The following PRRC2C variants were observed in gnomAD, a reference collection of about 807,000 sequenced individuals.
PRRC2C encodes protein PRRC2C.
PRRC2C carries 72 observed loss-of-function variants against 317.2 expected under a neutral mutation model. The ratio of observed to expected loss-of-function variants is 0.23; its 90% CI spans 0.19 to 0.28. The LOEUF (loss-of-function observed/expected upper bound fraction) is 0.28, where lower values mean the gene tolerates loss of function less well. Among genes scored for constraint, PRRC2C ranks in the 10% least tolerant of loss-of-function variants. PRRC2C has a pLI of 1.00. For missense variants in PRRC2C, 3,074 were observed against 3,459.7 expected (o/e 0.89, Z 2.80); for synonymous variants, 1,296 against 1,205.9 (o/e 1.07, Z -1.55).
In PRRC2C at chr1:171,485,616, C is replaced by G. The variant is rs1041534150; in HGVS notation, c.-177C>G. The G allele has an allele frequency of 6.5e-6, 1 of 152,700 alleles. No homozygotes were observed. Among genetic ancestry groups the G allele is most frequent in the African/African-American group, 2.4e-5 (1 of 41,478 alleles). The allele number at this position is 152,700 out of a possible 1,614,324, so 9.5% of individuals were successfully genotyped here. ...GCGGTTTGTCCATCCGCAGCTTCGGCTTTTCCAGTCTGGTGGCCCTTCCGG... is the reference window on the plus strand; with the variant it reads ...GCGGTTTGTCCATCCGCAGCTTCGGGTTTTCCAGTCTGGTGGCCCTTCCGG... On this transcript the variant is annotated 5_prime_UTR_variant, in exon 1 of 35. Coordinates refer to ENST00000647382, the MANE Select transcript of PRRC2C (RefSeq NM_001387844.1).
At chr1:171,546,057 A>C (rs923585297) in intron 17 of PRRC2C, among the ~76,000 whole-genome samples, 5 of 152,228 alleles carry the variant, frequency 3.3e-5, no homozygotes, top group South Asian at 2.1e-4. Flanking sequence ...TAAAAACAAA[A>C]GGAACTAAAT....
intron 16 of PRRC2C, among the ~76,000 whole-genome samples, chr1:171,544,250 A>G (rs1678592902): frequency 6.6e-6 from 1 of 152,116 alleles, no homozygotes; most frequent in African/African-American, 2.4e-5. Context: ...CAGCCTCTCT[A>G]GTAGCTGGGA....
At chr1:171,565,840 CAAAGCAGACTTCTGA>C (rs1171530143) in intron 20 of PRRC2C, among the ~76,000 whole-genome samples, 1 of 152,180 alleles carries the variant, frequency 6.6e-6, no homozygotes, top group Non-Finnish European at 1.5e-5. Flanking sequence ...ATTTCATTTT[CAAAGCAGACTTCTGA>C]GAAGCAGGTG....
intron 1 of PRRC2C, among the ~76,000 whole-genome samples, chr1:171,495,657 A>G (rs1020776587): frequency 6.6e-6 from 1 of 152,206 alleles, no homozygotes; most frequent in African/African-American, 2.4e-5. Context: ...AAGTGACTAA[A>G]TTTTTTTAAG....
chr1:171,571,332 A>G lies in PRRC2C; in HGVS notation c.6664A>G (p.Asn2222Asp), dbSNP rs747144159. Reference protein sequence around the residue: ...DTLVNNVPLPNTLPLPKRETI... With the variant: ...DTLVNNVPLPDTLPLPKRETI... ...CCTACCTTTTCAGGTGCCCCTGCCC[A>G]ACACCCTTCCCCTCCCTAAGAGGGA... The change falls in exon 24 of 35, where the codon AAC becomes GAC. Residue 2222 changes from asparagine (N) to aspartate (D), a missense_variant. By Grantham distance (23) the Asn-to-Asp change is conservative. Around this residue, in one of 11 missense-constraint regions of PRRC2C, gnomAD observed 640 missense variants for 676.1 expected, o/e 0.95. Coordinates refer to ENST00000647382, the MANE Select transcript of PRRC2C (RefSeq NM_001387844.1). 3.1e-6 allele frequency: 5 copies of G among 1,608,720 alleles called. No individual in the cohort carries two copies. Among genetic ancestry groups the G allele is most frequent in the Non-Finnish European group, 4.3e-6 (5 of 1,175,262 alleles).
Position 171,557,247 on chromosome 1 carries a change from AC to A in PRRC2C, c.5136del (p.Asn1712LysfsTer40). Reference sequence around the variant, plus strand: ...CCCCGTTAATTTTTTAAGGTCTGGAACAAAAAGAATGCAAATGAAAAAGGAA... The same window carrying A: ...CCCCGTTAATTTTTTAAGGTCTGGAAAAAAAGAATGCAAATGAAAAAGGAA... Reference protein sequence around the residue: ...KKEEQVIQVWNKKNANEKGRS... With the variant: ...KKEEQVIQVWXKKNANEKGRS... On this transcript the variant is annotated frameshift_variant, in exon 19 of 35. Transcript: ENST00000647382. LOFTEE classifies it high-confidence loss of function. 6.5e-7 allele frequency: 1 copy of A among 1,545,896 alleles called. No homozygotes were observed. Among genetic ancestry groups the A allele is most frequent in the Non-Finnish European group, 8.7e-7 (1 of 1,144,404 alleles).
intron 25 of PRRC2C, among the ~76,000 whole-genome samples, chr1:171,576,055 C>T (rs547962228): frequency 1.3e-5 from 2 of 152,168 alleles, no homozygotes; most frequent in African/African-American, 4.8e-5. Flanking sequence ...CGAGATTCTA[C>T]GCTGCATTAA....
Position 171,592,176 on chromosome 1 carries a change from C to A in PRRC2C, c.*329C>A. On this transcript the variant is annotated 3_prime_UTR_variant, in exon 35 of 35. Transcript: ENST00000647382. ...AAAATCCTTATGATTAGATGAAACA[C>A]CAAAAATATAAGGAAAATAACACAG... The A allele has an allele frequency of 4.6e-6, 1 of 216,664 alleles. No individual in the cohort carries two copies. The highest frequency in any genetic ancestry group is 5.3e-5 in the Admixed American group (1 of 18,948). 13.4% of individuals were successfully genotyped at this position (216,664 alleles called of 1,614,324 possible).
At chr1:171,571,277 A>C in intron 23 of PRRC2C, 43 bp from the exon 24 acceptor site, 1 of 1,169,076 alleles carries the variant, frequency 8.6e-7, no homozygotes, top group Non-Finnish European at 1.3e-6. Flanking sequence ...CTTTCGTAGT[A>C]GACACATAGT....
chr1:171,507,316 A>T (rs1670442933), intron 1 of PRRC2C, among the ~76,000 whole-genome samples: 1 of 152,206 alleles, frequency 6.6e-6, no homozygotes, highest in African/African-American at 2.4e-5. Context: ...GGCTTTGCTC[A>T]GTACTCTACC....
intron 34 of PRRC2C, 142 bp downstream of exon 34, chr1:171,589,747 C>T (rs1456155485): frequency 2.2e-5 from 8 of 360,406 alleles, no homozygotes; most frequent in Admixed American, 4.8e-5. Flanking sequence ...TTCATTCCCC[C>T]TTTTTTTTCT....
intron 1 of PRRC2C, among the ~76,000 whole-genome samples, chr1:171,493,748 A>G (rs1667598382): frequency 6.6e-6 from 1 of 152,128 alleles, no homozygotes; most frequent in African/African-American, 2.4e-5. Flanking sequence ...TGAGCCTGGG[A>G]GGCGGAGATC....
At chr1:171,522,071 T>C in intron 6 of PRRC2C, 106 bp from the exon 7 acceptor site, 1 of 460,414 alleles carries the variant, frequency 2.2e-6, no homozygotes, top group Non-Finnish European at 3.7e-6. Flanking sequence ...AATCATTGTT[T>C]TATAAATTGT....
chr1:171,532,170 G>A (rs914215840), intron 11 of PRRC2C, among the ~76,000 whole-genome samples, 173 bp from the exon 12 acceptor site: 3 of 152,098 alleles, frequency 2.0e-5, no homozygotes, highest in Non-Finnish European at 4.4e-5. Context: ...GTCTTAGTTT[G>A]GTGAATTATC....
intron 6 of PRRC2C, 22 bp from the exon 7 acceptor site, chr1:171,522,155 A>AT (rs747953923): frequency 6.9e-7 from 1 of 1,440,410 alleles, no homozygotes; most frequent in Non-Finnish European, 9.5e-7. Flanking sequence ...ATTTATCACA[A>AT]TTTTTTGTTT....
intron 28 of PRRC2C, among the ~76,000 whole-genome samples, chr1:171,583,286 C>T (rs376254478): frequency 9.9e-5 from 15 of 152,090 alleles, no homozygotes; most frequent in Middle Eastern, 3.4e-3. Context: ...TCTTTTGTAA[C>T]GTTTTTCTGT....
Position 171,591,730 on chromosome 1 carries a change from G to A in PRRC2C, c.8580G>A (p.Gly2860=), listed in dbSNP as rs369491876. The change falls in exon 35 of 35, where the codon GGG becomes GGA. Residue 2860 remains glycine, a synonymous_variant. Transcript: ENST00000647382. ...KPPETLTDPP[G]VCQEKVEEKP... is the part of the protein sequence containing the mutation. The stretch of plus-strand genomic sequence containing the variant: ...CTGAAACACTGACCGACCCTCCTGG[G>A]GTCTGTCAGGAAAAAGTAGAAGAAA... The A allele has an allele frequency of 1.2e-6, 2 of 1,613,674 alleles. No individual in the cohort carries two copies. The highest frequency in any genetic ancestry group is 1.1e-5 in the South Asian group (1 of 91,074).
chr1:171,491,339 G>T (rs1031579200), intron 1 of PRRC2C, among the ~76,000 whole-genome samples: 1 of 152,198 alleles, frequency 6.6e-6, no homozygotes, highest in Admixed American at 6.5e-5. Context: ...GCCCAAAGAT[G>T]CTGGACTGAA....
chr1:171,543,144 C>T (rs1186640920), intron 16 of PRRC2C, among the ~76,000 whole-genome samples: 2 of 150,018 alleles, frequency 1.3e-5, no homozygotes, highest in Non-Finnish European at 3.0e-5. Flanking sequence ...CCAAGTTGGG[C>T]GGGTCACAAG....
Sources: allele counts gnomAD v4.1 joint callset (sites outside exome capture counted in the v4.1 genomes callset), GRCh38; gene constraint gnomAD v4.1.1; regional missense constraint gnomAD v4.1.1; transcripts MANE v1.5; gene names NCBI Gene and HGNC (gene_info 2026-07-23, HGNC 2026-07-21).